The following TGFBR3 variants were observed in gnomAD, a reference collection of about 807,000 sequenced individuals.
TGFBR3 encodes transforming growth factor beta receptor 3.
A neutral mutation model predicts 87.9 loss-of-function variants in TGFBR3; 46 were observed. The ratio of observed to expected loss-of-function variants is 0.52; its 90% CI spans 0.41 to 0.67. TGFBR3 has a LOEUF of 0.67. Among genes scored for constraint, TGFBR3 ranks in the 30% least tolerant of loss-of-function variants. TGFBR3 has a pLI of 0.00. For missense variants in TGFBR3, 866 were observed against 1,041.9 expected (o/e 0.83, Z 2.32); for synonymous variants, 381 against 391.6 (o/e 0.97, Z 0.32).
intron 16 of TGFBR3, among the ~76,000 whole-genome samples, chr1:91,689,840 T>TAAAAAAA (rs545760131): frequency 1.0e-5 from 1 of 99,278 alleles, no homozygotes; most frequent in Non-Finnish European, 2.0e-5. Context: ...AGAAACTGAT[T>TAAAAAAA]AAAAAAAAAA....
chr1:91,719,274 C>T, intron 10 of TGFBR3, 38 bp downstream of exon 10: 1 of 1,614,092 alleles, frequency 6.2e-7, no homozygotes, highest in Non-Finnish European at 8.5e-7. Context: ...CAGCCAGGCT[C>T]TGGCAAAGGG....
At chr1:91,692,388 A>AT (rs113128734) in intron 16 of TGFBR3, among the ~76,000 whole-genome samples, 21 of 151,740 alleles carry the variant, frequency 1.4e-4, no homozygotes, top group Non-Finnish European at 1.6e-4. Context: ...TAGGGGTGTG[A>AT]TTTTTTTTTC....
At chr1:91,815,763 A>C (rs767606149) in intron 2 of TGFBR3, among the ~76,000 whole-genome samples, 83 of 152,348 alleles carry the variant, frequency 5.4e-4, no homozygotes, top group Admixed American at 9.1e-4. Context: ...GAAGAGACAA[A>C]TGAAATCAAT....
chr1:91,849,686 A>G (rs1677642659), intron 2 of TGFBR3, among the ~76,000 whole-genome samples: 1 of 152,184 alleles, frequency 6.6e-6, no homozygotes, highest in Non-Finnish European at 1.5e-5. Flanking sequence ...TTTGTTTACT[A>G]CTATCTCTCC....
Position 91,866,435 on chromosome 1 carries a change from T to C in TGFBR3, c.-113-4791A>G, listed in dbSNP as rs182099099. ...CTTCGGAATCACATCCAAGCACAAC[T>C]GATATTCAATAAATATTACTGCTAT... is the stretch of plus-strand genomic sequence containing the variant. On this transcript the variant is annotated intron_variant, in intron 1 of 16. Coordinates refer to ENST00000212355, the MANE Select transcript of TGFBR3 (RefSeq NM_003243.5). Among the ~76,000 whole-genome samples the C allele has an allele frequency of 2.6e-5, 4 of 152,272 alleles. No homozygotes were observed. The East Asian group carries it at 5.8e-4, about 22-fold the overall frequency.
At chr1:91,855,666 T>A (rs1484857293) in intron 2 of TGFBR3, among the ~76,000 whole-genome samples, 3 of 152,178 alleles carry the variant, frequency 2.0e-5, no homozygotes, top group African/African-American at 7.2e-5. Context: ...AATAAATGAA[T>A]CACTTCAGCC....
chr1:91,778,118 C>G (rs1197879449), intron 3 of TGFBR3, among the ~76,000 whole-genome samples: 1 of 150,596 alleles, frequency 6.6e-6, no homozygotes, highest in Non-Finnish European at 1.5e-5. Context: ...ATTCAGAGAC[C>G]AGATCTGCCC....
At chr1:91,697,197 G>T (rs1671462488) in intron 15 of TGFBR3, among the ~76,000 whole-genome samples, 1 of 152,136 alleles carries the variant, frequency 6.6e-6, no homozygotes, top group Non-Finnish European at 1.5e-5. Flanking sequence ...AGTTTTTAAT[G>T]AAACTATTCT....
rs577013869 is a variant in TGFBR3 at position 91,687,170 on chromosome 1, T to C, written c.2438-3313A>G. Among the ~76,000 whole-genome samples, 712 of 151,926 alleles carry C rather than the reference T, an allele frequency of 4.7e-3. 3 individuals are homozygous for C. Among genetic ancestry groups the C allele is most frequent in the Non-Finnish European group, 7.3e-3 (497 of 67,962 alleles). ...ATACTGCCAGAGATGCCTCAAGAAA[T>C]AGAAAAACAAAGCCAGGTGCAGTCA... On this transcript the variant is annotated intron_variant, in intron 16 of 16. Transcript: ENST00000212355.
intron 6 of TGFBR3, among the ~76,000 whole-genome samples, chr1:91,729,030 G>GCACACA (rs1672650483): frequency 9.7e-6 from 1 of 102,574 alleles, no homozygotes; most frequent in Non-Finnish European, 1.9e-5. Context: ...GGCCACTCCA[G>GCACACA]CATACACACA....
intron 12 of TGFBR3, 58 bp downstream of exon 12, chr1:91,716,178 C>T: frequency 6.2e-7 from 1 of 1,607,424 alleles, no homozygotes; most frequent in Non-Finnish European, 8.5e-7. Context: ...TAGCTGATGT[C>T]TAAGGAACTA....
intron 3 of TGFBR3, among the ~76,000 whole-genome samples, chr1:91,772,747 T>C (rs1674427229): frequency 6.6e-6 from 1 of 152,212 alleles, no homozygotes; most frequent in South Asian, 2.1e-4. Context: ...GTTACCATTG[T>C]AGAATGGTGT....
At chr1:91,735,268 C>T (rs1672925666) in intron 4 of TGFBR3, among the ~76,000 whole-genome samples, 1 of 152,154 alleles carries the variant, frequency 6.6e-6, no homozygotes, top group Admixed American at 6.5e-5. Context: ...AAATCGAAGA[C>T]CAATCTTACA....
In TGFBR3 at chr1:91,903,338, CAAAAA is replaced by C. The variant is rs58672104; in HGVS notation, c.-175+2483_-175+2487del. 3.8e-4 allele frequency among the ~76,000 whole-genome samples: 19 copies of C among 50,504 alleles called. No individual in the cohort carries two copies. The South Asian group carries it at 5.6e-3, about 15-fold the overall frequency. 33.1% of individuals were successfully genotyped at this position (50,504 alleles called of 152,430 possible). A position where few individuals can be genotyped will look rare whatever the true frequency, so the allele number is the denominator to read the frequency against. On this transcript the variant is annotated intron_variant, in intron 1 of 17. Coordinates refer to the TGFBR3 transcript ENST00000370399. ...TGGGAGACAGAGTGAGATTCTGCCTCAAAAAAAAAAAAAAAAAAAAAAAAAAAATT... is the reference window on the plus strand; with the variant it reads ...TGGGAGACAGAGTGAGATTCTGCCTCAAAAAAAAAAAAAAAAAAAAAAATT...
chr1:91,892,321 C>T (rs1325850900), intron 2 of TGFBR3, among the ~76,000 whole-genome samples: 1 of 149,008 alleles, frequency 6.7e-6, no homozygotes, highest in Non-Finnish European at 1.5e-5. Flanking sequence ...AAACTCCATC[C>T]TCAGCCCCAC....
chr1:91,801,446 C>G (rs764599583), intron 2 of TGFBR3, among the ~76,000 whole-genome samples: 1 of 152,034 alleles, frequency 6.6e-6, no homozygotes, highest in Non-Finnish European at 1.5e-5. Context: ...AAAGGGTGAC[C>G]AAGCATTGTA....
chr1:91,792,064 C>A (rs1675214745), intron 3 of TGFBR3, among the ~76,000 whole-genome samples: 1 of 152,180 alleles, frequency 6.6e-6, no homozygotes, highest in African/African-American at 2.4e-5. Flanking sequence ...AGAGAAGGTA[C>A]AAAGTAAAAG....
chr1:91,865,262 G>C (rs1453487797), intron 1 of TGFBR3, among the ~76,000 whole-genome samples: 1 of 146,744 alleles, frequency 6.8e-6, no homozygotes, highest in Non-Finnish European at 1.5e-5. Context: ...CTATGGAGTA[G>C]CCATTCCTTT....
chr1:91,904,148 C>T (rs1261741308), intron 1 of TGFBR3, among the ~76,000 whole-genome samples: 1 of 152,318 alleles, frequency 6.6e-6, no homozygotes, highest in South Asian at 2.1e-4. Flanking sequence ...CGTGCCACTG[C>T]ACTCCAACCT....
Sources: allele counts gnomAD v4.1 joint callset (sites outside exome capture counted in the v4.1 genomes callset), GRCh38; gene constraint gnomAD v4.1.1; transcripts MANE v1.5; gene names NCBI Gene and HGNC (gene_info 2026-07-23, HGNC 2026-07-21).